CTNNA2: variants seen among roughly 807,000 people sequenced by gnomAD.
CTNNA2 encodes catenin alpha-2.
In CTNNA2, 42 loss-of-function variants were observed where a neutral mutation model predicts 101.0. The observed-to-expected ratio is 0.42, with a 90% CI of 0.32 to 0.54. The LOEUF (loss-of-function observed/expected upper bound fraction) is 0.54, where lower values mean the gene tolerates loss of function less well. CTNNA2 is among the 20% of genes least tolerant of loss of function. The probability of loss-of-function intolerance (pLI) is 0.14; values close to 1 mark genes in which losing one functional copy is unlikely to be tolerated. For missense variants in CTNNA2, 871 were observed against 1,223.1 expected, an observed-to-expected ratio of 0.71 and a Z score of 4.29; for synonymous variants, 450 against 456.4, an observed-to-expected ratio of 0.99 and a Z score of 0.18.
intron 7 of CTNNA2, among the ~76,000 whole-genome samples, chr2:80,034,596 C>T (rs559439847): frequency 9.9e-5 from 15 of 152,166 alleles, no homozygotes; most frequent in South Asian, 2.1e-4. Flanking sequence ...TCAGGTGATC[C>T]GCCCGCTTCT....
At chr2:79,985,823 G>A (rs1025465188) in intron 7 of CTNNA2, among the ~76,000 whole-genome samples, 24 of 152,152 alleles carry the variant, frequency 1.6e-4, no homozygotes, top group Non-Finnish European at 3.1e-4. Flanking sequence ...CCTGGAGCCA[G>A]GCAAGTGGGA....
chr2:80,113,539 C>A (rs1020386694), intron 7 of CTNNA2, among the ~76,000 whole-genome samples: 1 of 152,176 alleles, frequency 6.6e-6, no homozygotes, highest in African/African-American at 2.4e-5. Flanking sequence ...GGCCCACCAC[C>A]TGTTTTAGTA....
intron 9 of CTNNA2, among the ~76,000 whole-genome samples, chr2:80,499,915 A>G (rs1040899559): frequency 6.6e-6 from 1 of 150,390 alleles, no homozygotes; most frequent in Non-Finnish European, 1.5e-5. Context: ...ACTTTTGTGT[A>G]TGTTTGAAAC....
chr2:80,244,164 G>A (rs963773316), intron 7 of CTNNA2, among the ~76,000 whole-genome samples: 1 of 152,200 alleles, frequency 6.6e-6, no homozygotes, highest in Admixed American at 6.5e-5. Flanking sequence ...TGTCAGAACC[G>A]TGGTGTAATA....
At chr2:80,639,238 C>T (rs1673184656) in intron 18 of CTNNA2, among the ~76,000 whole-genome samples, 1 of 152,052 alleles carries the variant, frequency 6.6e-6, no homozygotes, top group East Asian at 1.9e-4. Flanking sequence ...GAGACACAGT[C>T]TGTTTCTGTC....
chr2:79,664,245 T>C (rs2104543463), intron 2 of CTNNA2, among the ~76,000 whole-genome samples: 1 of 152,336 alleles, frequency 6.6e-6, no homozygotes, highest in Non-Finnish European at 1.5e-5. Context: ...CTATAAATAA[T>C]CTCTATATTT....
chr2:79,576,225 A>G (rs1388731411), intron 1 of CTNNA2, among the ~76,000 whole-genome samples: 1 of 152,230 alleles, frequency 6.6e-6, no homozygotes, highest in Non-Finnish European at 1.5e-5. Flanking sequence ...ACATATTTAG[A>G]TGTCTAGCTG....
intron 7 of CTNNA2, among the ~76,000 whole-genome samples, chr2:80,234,560 T>G (rs1417117201): frequency 6.6e-6 from 1 of 152,198 alleles, no homozygotes; most frequent in African/African-American, 2.4e-5. Flanking sequence ...GCTGGATTGA[T>G]GCTATCAAGA....
chr2:79,790,362 G>A (rs1675177623), intron 3 of CTNNA2, among the ~76,000 whole-genome samples: 2 of 152,124 alleles, frequency 1.3e-5, no homozygotes, highest in South Asian at 4.1e-4. Flanking sequence ...GGGTGAGTAA[G>A]GTAATACTGA....
chr2:79,193,963 CATT>C (rs1202914367), intron 1 of CTNNA2, among the ~76,000 whole-genome samples: 25 of 152,158 alleles, frequency 1.6e-4, no homozygotes, highest in African/African-American at 5.8e-4. Flanking sequence ...CCATTTTTAT[CATT>C]ATGATAACTT....
At chr2:79,448,650 C>A (rs1678857735) in intron 4 of CTNNA2, among the ~76,000 whole-genome samples, 1 of 151,836 alleles carries the variant, frequency 6.6e-6, no homozygotes, top group South Asian at 2.1e-4. Context: ...AGTAGGCTGA[C>A]AAAATACAAA....
At chr2:79,931,333 C>A (rs956676988) in intron 7 of CTNNA2, among the ~76,000 whole-genome samples, 4 of 152,022 alleles carry the variant, frequency 2.6e-5, no homozygotes, top group Admixed American at 1.3e-4. Context: ...GAATGGGTTT[C>A]TTTTGTTTTT....
intron 3 of CTNNA2, among the ~76,000 whole-genome samples, chr2:79,835,554 T>TA (rs1334545850): frequency 6.6e-6 from 1 of 152,052 alleles, no homozygotes; most frequent in Non-Finnish European, 1.5e-5. Flanking sequence ...TCTGCCTACT[T>TA]ATGCTGCAGA....
intron 2 of CTNNA2, among the ~76,000 whole-genome samples, chr2:79,684,461 A>G (rs1683796087): frequency 6.6e-6 from 1 of 152,194 alleles, no homozygotes; most frequent in Admixed American, 6.5e-5. Context: ...AACGTGAATC[A>G]AAACTGATGA....
chr2:79,955,573 CAG>C (rs1689164972), intron 7 of CTNNA2, among the ~76,000 whole-genome samples: 1 of 152,202 alleles, frequency 6.6e-6, no homozygotes, highest in Non-Finnish European at 1.5e-5. Context: ...CAGGTGACAT[CAG>C]AGAGTCTCGC....
At chr2:79,945,238 G>A (rs888612269) in intron 7 of CTNNA2, among the ~76,000 whole-genome samples, 2 of 151,922 alleles carry the variant, frequency 1.3e-5, no homozygotes, top group African/African-American at 4.8e-5. Context: ...ACAGGGTCTC[G>A]CTATGTTGCC....
At chr2:80,426,007 G>A (rs1458713085) in intron 9 of CTNNA2, among the ~76,000 whole-genome samples, 1 of 152,148 alleles carries the variant, frequency 6.6e-6, no homozygotes, top group Non-Finnish European at 1.5e-5. Flanking sequence ...CCACTGGGGT[G>A]TGTTGATTAG....
intron 4 of CTNNA2, among the ~76,000 whole-genome samples, chr2:79,456,482 A>C (rs1378468147): frequency 6.6e-6 from 1 of 152,202 alleles, no homozygotes; most frequent in Non-Finnish European, 1.5e-5. Context: ...GTTGTGTTTT[A>C]AGTATTTAAA....
In CTNNA2 at chr2:80,302,629, G is replaced by A. The variant is rs1373847899; in HGVS notation, c.1057-90582G>A. On this transcript the variant is annotated intron_variant, in intron 7 of 18. Coordinates refer to ENST00000402739, the MANE Select transcript of CTNNA2 (RefSeq NM_001282597.3). The surrounding 1 kb of genome is among the most constrained non-coding windows in gnomAD (Gnocchi z 6.4). ...ATGTGCCGTCGTGCTGCCCCTCCCCGCCGTCCGCGAGCGTGGTGGCCGAGC... is the reference window on the plus strand; with the variant it reads ...ATGTGCCGTCGTGCTGCCCCTCCCCACCGTCCGCGAGCGTGGTGGCCGAGC... 6.8e-6 allele frequency: 11 copies of A among 1,606,342 alleles called. No homozygotes were observed. Among genetic ancestry groups the A allele is most frequent in the South Asian group, 2.2e-5 (2 of 90,956 alleles).
Sources: allele counts gnomAD v4.1 joint callset (sites outside exome capture counted in the v4.1 genomes callset), GRCh38; gene constraint gnomAD v4.1.1; non-coding constraint Gnocchi (gnomAD v3.1); transcripts MANE v1.5; gene names NCBI Gene and HGNC (gene_info 2026-07-23, HGNC 2026-07-21).